PRDM1: variants seen among roughly 807,000 people sequenced by gnomAD.
PRDM1 encodes PR/SET domain 1.
Under a neutral mutation model 62.8 loss-of-function variants are expected in PRDM1, and 13 were observed. The ratio of observed to expected loss-of-function variants is 0.21; its 90% confidence interval spans 0.13 to 0.33. PRDM1 has a LOEUF of 0.33. PRDM1 is among the 10% of genes least tolerant of loss of function. PRDM1 has a pLI of 1.00. For missense variants in PRDM1, 895 were observed against 1,058.8 expected (o/e 0.85, Z 2.15); for synonymous variants, 396 against 417.6 (o/e 0.95, Z 0.63).
rs1774600691 is a variant in PRDM1 at position 106,108,940 on chromosome 6, T to C, written c.*1454T>C. On this transcript the variant is annotated 3_prime_UTR_variant, in exon 7 of 7. Coordinates refer to ENST00000369096, the MANE Select transcript of PRDM1 (RefSeq NM_001198.4). ...TGTGTTATTCTATCTTTTATTCTGC[T>C]AAGCCCAAAGATTACATGTTGGTGT... The C allele has an allele frequency of 2.6e-5, 6 of 227,430 alleles. No individual in the cohort carries two copies. The East Asian group carries it at 3.8e-4, about 14-fold the overall frequency. 14.1% of individuals were successfully genotyped at this position (227,430 alleles called of 1,614,324 possible). A position where few individuals can be genotyped will look rare whatever the true frequency, so the allele number is the denominator to read the frequency against.
At chr6:106,079,457 T>C (rs1310321796) in intron 1 of PRDM1, among the ~76,000 whole-genome samples, 1 of 152,254 alleles carries the variant, frequency 6.6e-6, no homozygotes, top group Non-Finnish European at 1.5e-5. Flanking sequence ...ATTTCATTGA[T>C]GAATATTGTA....
At chr6:105,997,335 T>C (rs768146015) in intron 1 of PRDM1, among the ~76,000 whole-genome samples, 1 of 152,232 alleles carries the variant, frequency 6.6e-6, no homozygotes, top group Non-Finnish European at 1.5e-5. Flanking sequence ...CTAGAGCTTC[T>C]TCGTGTGTCA....
At chr6:106,099,239 G>C in intron 3 of PRDM1, 61 bp from the exon 4 acceptor site, 7 of 1,609,642 alleles carry the variant, frequency 4.3e-6, no homozygotes, top group Non-Finnish European at 6.0e-6. Context: ...TTTATTCTGA[G>C]AGGTGCTGGG....
upstream of PRDM1, among the ~76,000 whole-genome samples, chr6:105,992,696 T>C (rs1439242238): frequency 6.6e-6 from 1 of 152,146 alleles, no homozygotes; most frequent in Non-Finnish European, 1.5e-5. Flanking sequence ...ATGAAAGCTA[T>C]ATTTTGGGCT....
chr6:106,022,719 C>T (rs1459969500), intron 1 of PRDM1, among the ~76,000 whole-genome samples: 1 of 152,114 alleles, frequency 6.6e-6, no homozygotes, highest in East Asian at 1.9e-4. Context: ...GCCACCCGCC[C>T]AGCCTTTTTA....
intron 1 of PRDM1, among the ~76,000 whole-genome samples, chr6:106,055,535 T>C (rs1373819103): frequency 6.6e-6 from 1 of 152,230 alleles, no homozygotes; most frequent in African/African-American, 2.4e-5. Flanking sequence ...GAAAAAAGAA[T>C]GGAGTATGTG....
At chr6:106,005,108 T>C (rs1772468536) in intron 1 of PRDM1, among the ~76,000 whole-genome samples, 1 of 152,210 alleles carries the variant, frequency 6.6e-6, no homozygotes, top group Non-Finnish European at 1.5e-5. Flanking sequence ...ATTCAAGAAG[T>C]CTTTGACAGT....
At chr6:106,030,061 A>G (rs1302361972) in intron 1 of PRDM1, among the ~76,000 whole-genome samples, 1 of 152,136 alleles carries the variant, frequency 6.6e-6, no homozygotes, top group African/African-American at 2.4e-5. Flanking sequence ...ATGTTTTCTT[A>G]TTAAGTTTTG....
chr6:106,023,153 T>A (rs1772718881), intron 1 of PRDM1, among the ~76,000 whole-genome samples: 1 of 152,232 alleles, frequency 6.6e-6, no homozygotes, highest in Non-Finnish European at 1.5e-5. Flanking sequence ...AAAGTAAATT[T>A]GGTCAGTAGT....
At chr6:105,993,548 T>C (rs111526119) in exon 1 of PRDM1, among the ~76,000 whole-genome samples, 1 of 152,238 alleles carries the variant, frequency 6.6e-6, no homozygotes, top group Non-Finnish European at 1.5e-5. Flanking sequence ...ACTTGGAAGA[T>C]TGCTGGGTTT....
upstream of PRDM1, among the ~76,000 whole-genome samples, chr6:106,085,178 CTGGGTGTGTGTATG>C (rs533897272): frequency 1.9e-4 from 29 of 152,066 alleles, no homozygotes; most frequent in Non-Finnish European, 3.5e-4. Flanking sequence ...TAGGTTGGAA[CTGGGTGTGTGTATG>C]TGGGTGTGTG....
chr6:106,028,831 C>G (rs1414612959), intron 1 of PRDM1, among the ~76,000 whole-genome samples: 1 of 151,686 alleles, frequency 6.6e-6, no homozygotes, highest in African/African-American at 2.4e-5. Flanking sequence ...CAACACTGAT[C>G]TGTCTCCTGT....
At chr6:106,028,234 T>C (rs1772792346) in intron 1 of PRDM1, among the ~76,000 whole-genome samples, 2 of 152,242 alleles carry the variant, frequency 1.3e-5, no homozygotes, top group African/African-American at 2.4e-5. Flanking sequence ...TGGTCCAGTG[T>C]CTTTCGGTCC....
At chr6:105,997,846 T>TAGAAAAAGGACTA (rs1307145048) in intron 1 of PRDM1, among the ~76,000 whole-genome samples, 3 of 152,118 alleles carry the variant, frequency 2.0e-5, no homozygotes, top group African/African-American at 7.2e-5. Context: ...GATTATGGTC[T>TAGAAAAAGGACTA]GAAAAAAGGA....
Position 106,106,904 on chromosome 6 carries a change from A to C in PRDM1, c.1903-7A>C. On this transcript the variant is annotated splice_polypyrimidine_tract_variant and splice_region_variant and intron_variant, in intron 6 of 6. Coordinates refer to ENST00000369096, the MANE Select transcript of PRDM1 (RefSeq NM_001198.4). The surrounding 1 kb of genome is among the most constrained non-coding windows in gnomAD (Gnocchi z 4.4). The stretch of plus-strand genomic sequence containing the variant: ...CTTCCCTGCTGTCTCTCTCCCCTAC[A>C]CTGTAGGTCTGCCACAAGAGATTTA... The C allele has an allele frequency of 6.2e-7, 1 of 1,609,354 alleles. No homozygotes were observed.
At chr6:106,084,504 A>G (rs1773752959), upstream of PRDM1, among the ~76,000 whole-genome samples, 1 of 152,096 alleles carries the variant, frequency 6.6e-6, no homozygotes, top group South Asian at 2.1e-4. Flanking sequence ...CTATTCCCTT[A>G]CTCTATCATG....
At chr6:106,051,892 GA>G (rs1205988808) in intron 1 of PRDM1, among the ~76,000 whole-genome samples, 3 of 152,138 alleles carry the variant, frequency 2.0e-5, no homozygotes, top group Non-Finnish European at 4.4e-5. Context: ...GAATTTACAC[GA>G]AAAAATTAAT....
At chr6:106,085,522 G>A (rs1288324924), upstream of PRDM1, among the ~76,000 whole-genome samples, 1 of 152,218 alleles carries the variant, frequency 6.6e-6, no homozygotes, top group Non-Finnish European at 1.5e-5. Context: ...CATCATCACA[G>A]GATGTCCTTC....
In PRDM1 at chr6:106,104,971, A is replaced by G. The variant is rs149024185; in HGVS notation, c.811A>G (p.Ile271Val). The change falls in exon 5 of 7, where the codon ATT becomes GTT. Residue 271 changes from isoleucine (I) to valine (V), a missense_variant. By Grantham distance (29) the Ile-to-Val change is conservative. Transcript: ENST00000369096. ...SKGKDLYRSN[I>V]SPLTSEKDLD... ...AGGAAAGGACCTCTACCGTTCTAAC[A>G]TTTCACCCCTCACATCAGAAAAGGA... The G allele has an allele frequency of 5.5e-4, 892 of 1,614,020 alleles. 4 individuals are homozygous for G. In the African/African-American group the frequency reaches 0.011, roughly 20 times the overall value.
Sources: gnomAD v4.1 joint callset for allele counts (sites outside exome capture counted in the v4.1 genomes callset) on GRCh38, gnomAD v4.1.1 for gene constraint, Gnocchi (gnomAD v3.1) non-coding constraint, MANE v1.5 for transcripts, NCBI Gene and HGNC (gene_info 2026-07-23, HGNC 2026-07-21) for gene names.